GSK3B: variants seen among roughly 807,000 people sequenced by gnomAD.
The protein encoded by GSK3B is glycogen synthase kinase 3 beta, also known as glycogen synthase kinase-3 beta.
In GSK3B, 15 loss-of-function variants were observed where a neutral mutation model predicts 56.4. The ratio of observed to expected loss-of-function variants is 0.27; its 90% CI spans 0.18 to 0.41. GSK3B has a LOEUF of 0.41. Among genes scored for constraint, GSK3B ranks in the 10% least tolerant of loss-of-function variants. GSK3B has a pLI of 1.00. For synonymous variants in GSK3B, 181 were observed against 188.9 expected (o/e 0.96, Z 0.34); for missense variants, 300 against 513.4 (o/e 0.58, Z 4.02).
chr3:119,920,992 C>CTTCTT (rs2056835179), intron 4 of GSK3B, among the ~76,000 whole-genome samples: 2 of 152,146 alleles, frequency 1.3e-5, no homozygotes, highest in Non-Finnish European at 2.9e-5. Context: ...CCACCTCCCA[C>CTTCTT]TAAAAGAACA....
intron 1 of GSK3B, among the ~76,000 whole-genome samples, chr3:120,058,570 CA>C (rs201490101): frequency 1.3e-4 from 19 of 143,228 alleles, no homozygotes; most frequent in Admixed American, 1.4e-4. Context: ...ACTTTAGTAT[CA>C]AAAAAAAAAA....
intron 3 of GSK3B, among the ~76,000 whole-genome samples, chr3:119,930,080 TACACACAC>T (rs71619762): frequency 0.014 from 1,863 of 133,572 alleles, 20 homozygotes; most frequent in Middle Eastern, 0.026. Context: ...TTCTGTCTCC[TACACACAC>T]ACACACACAC....
At chr3:120,018,944 T>C (rs964304331) in intron 1 of GSK3B, among the ~76,000 whole-genome samples, 4 of 152,164 alleles carry the variant, frequency 2.6e-5, no homozygotes, top group African/African-American at 7.2e-5. Context: ...TTTGTAGGAA[T>C]AGAAGGAACA....
At chr3:119,913,007 AAAG>A (rs1236900414) in intron 5 of GSK3B, among the ~76,000 whole-genome samples, 197 bp from the exon 6 acceptor site, 5 of 152,124 alleles carry the variant, frequency 3.3e-5, no homozygotes, top group East Asian at 1.9e-4. Flanking sequence ...GCTCTGCAAA[AAAG>A]AATAGCAATT....
chr3:120,005,208 G>A (rs895127404), intron 1 of GSK3B, among the ~76,000 whole-genome samples: 13 of 151,818 alleles, frequency 8.6e-5, no homozygotes, highest in Admixed American at 3.9e-4. Flanking sequence ...GAAATAAAGC[G>A]AGAAGACAAG....
chr3:119,954,302 T>TAGAATAGAATAGAATAGAATAGAAA (rs1559851402), intron 2 of GSK3B, among the ~76,000 whole-genome samples: 1 of 96,924 alleles, frequency 1.0e-5, no homozygotes, highest in African/African-American at 4.0e-5. Flanking sequence ...TAGAATAGAA[T>TAGAATAGAATAGAATAGAATAGAAA]AGAAAAGAAA....
At chr3:120,062,847 A>G (rs190455843) in intron 1 of GSK3B, among the ~76,000 whole-genome samples, 15 of 152,314 alleles carry the variant, frequency 9.8e-5, no homozygotes, top group Admixed American at 9.2e-4. Flanking sequence ...CTTTCGAAAC[A>G]TAAGTTTGAG....
intron 1 of GSK3B, among the ~76,000 whole-genome samples, chr3:120,037,252 G>A (rs1044019262): frequency 2.5e-4 from 38 of 152,076 alleles, no homozygotes; most frequent in African/African-American, 8.5e-4. Context: ...TATGCATTTC[G>A]CTATTATATT....
chr3:119,852,428 G>A (rs1025133040), intron 9 of GSK3B, among the ~76,000 whole-genome samples: 1 of 151,568 alleles, frequency 6.6e-6, no homozygotes, highest in African/African-American at 2.4e-5. Context: ...AGCTCACCGT[G>A]ACCTCTGCCT....
chr3:119,853,341 C>G (rs9844770), intron 9 of GSK3B, among the ~76,000 whole-genome samples: 1 of 150,974 alleles, frequency 6.6e-6, no homozygotes, highest in Admixed American at 6.6e-5. Flanking sequence ...TAGTATAGTT[C>G]GAAGTCAAGT....
intron 1 of GSK3B, among the ~76,000 whole-genome samples, chr3:120,085,251 C>T (rs1026140478): frequency 6.6e-6 from 1 of 152,094 alleles, no homozygotes; most frequent in African/African-American, 2.4e-5. Flanking sequence ...CAGTACGTTG[C>T]TCTTCTATAT....
intron 1 of GSK3B, chr3:120,029,484 G>C: frequency 1.5e-6 from 1 of 673,340 alleles, no homozygotes; most frequent in Admixed American, 1.9e-5. Context: ...ATTATCTGCA[G>C]GTGTTATTTC....
intron 9 of GSK3B, among the ~76,000 whole-genome samples, chr3:119,855,018 T>C (rs1233901752): frequency 4.6e-5 from 7 of 152,240 alleles, no homozygotes; most frequent in Non-Finnish European, 8.8e-5. Context: ...TGTTAGGGTG[T>C]CAATTTTAGA....
chr3:120,065,989 C>T (rs1344162899), intron 1 of GSK3B, among the ~76,000 whole-genome samples: 1 of 152,086 alleles, frequency 6.6e-6, no homozygotes, highest in African/African-American at 2.4e-5. Flanking sequence ...TATAGGGTTT[C>T]CTTGCAGGGT....
chr3:119,826,517 G>C lies in GSK3B; in HGVS notation c.*271C>G, dbSNP rs570170452. 3.5e-6 allele frequency: 2 copies of C among 569,128 alleles called. No homozygotes were observed. Among genetic ancestry groups the C allele is most frequent in the African/African-American group, 3.7e-5 (2 of 53,444 alleles). 35.3% of individuals were successfully genotyped at this position (569,128 alleles called of 1,614,324 possible). The stretch of plus-strand genomic sequence containing the variant: ...TAAAAAAAGATTGTCGTGGGAGAGA[G>C]ATTGTATGTTCTAGTGCTCCGCTTT... On this transcript the variant is annotated 3_prime_UTR_variant, in exon 11 of 11. Coordinates refer to ENST00000264235, the MANE Select transcript of GSK3B (RefSeq NM_001146156.2).
intron 1 of GSK3B, among the ~76,000 whole-genome samples, chr3:120,033,654 T>C (rs2057996833): frequency 6.6e-6 from 1 of 152,178 alleles, no homozygotes; most frequent in Non-Finnish European, 1.5e-5. Context: ...TCCTCATGTA[T>C]TGGAGGAGGG....
In GSK3B at chr3:119,882,746, T is replaced by C. The variant is rs535090325; in HGVS notation, c.814-6238A>G. On this transcript the variant is annotated intron_variant, in intron 7 of 10. Transcript: ENST00000264235. ...GATGATATTTAAAAAGTATTTTTTT[T>C]CTTCTGCAACTCATTCCTTTATAAA... 2.2e-4 allele frequency among the ~76,000 whole-genome samples: 34 copies of C among 152,334 alleles called. No individual in the cohort carries two copies. The South Asian group carries it at 6.6e-3, about 30-fold the overall frequency.
chr3:119,850,265 C>G (rs2055911844), intron 9 of GSK3B, among the ~76,000 whole-genome samples: 1 of 152,002 alleles, frequency 6.6e-6, no homozygotes, highest in Non-Finnish European at 1.5e-5. Context: ...ACTTTGTGAA[C>G]CTTTTTCTAG....
chr3:120,009,786 T>A (rs1295196576), intron 1 of GSK3B, among the ~76,000 whole-genome samples: 1 of 151,960 alleles, frequency 6.6e-6, no homozygotes, highest in Non-Finnish European at 1.5e-5. Flanking sequence ...CATGTATACC[T>A]ATATAACAAA....
Sources: allele counts gnomAD v4.1 joint callset (sites outside exome capture counted in the v4.1 genomes callset), GRCh38; gene constraint gnomAD v4.1.1; transcripts MANE v1.5; gene names NCBI Gene and HGNC (gene_info 2026-07-23, HGNC 2026-07-21).